The following NDUFAF5 variants were observed in gnomAD, a reference collection of about 807,000 sequenced individuals.
NDUFAF5 encodes the protein NADH:ubiquinone oxidoreductase complex assembly factor 5, also known as arginine-hydroxylase NDUFAF5, mitochondrial.
A neutral mutation model predicts 48.9 loss-of-function variants in NDUFAF5; 34 were observed. That is an observed-to-expected ratio of 0.70 (90% CI 0.53 to 0.93). NDUFAF5 has a LOEUF of 0.93. Ranked by LOEUF, NDUFAF5 falls within the 40% of genes least tolerant of loss-of-function variation. The pLI is 0.00. For missense variants in NDUFAF5, 428 were observed against 427.5 expected (o/e 1.00, Z -0.01); for synonymous variants, 153 against 150.6 (o/e 1.02, Z -0.12).
chr20:13,795,135 A>G (rs1021423954), intron 5 of NDUFAF5, among the ~76,000 whole-genome samples, 194 bp downstream of exon 5: 5 of 152,174 alleles, frequency 3.3e-5, no homozygotes, highest in African/African-American at 1.2e-4. Flanking sequence ...TTTACTAAAA[A>G]TACAAAAAAG....
rs1165425427 is a variant in NDUFAF5, at chr20:13,817,329, A to G, written c.*119A>G. ...TAAGCTATTTACTAATAGGCTTTTCATATAATTAGGAAAACCTAATATCAC... is the reference window on the plus strand; with the variant it reads ...TAAGCTATTTACTAATAGGCTTTTCGTATAATTAGGAAAACCTAATATCAC... On this transcript the variant is annotated 3_prime_UTR_variant, in exon 11 of 11. Transcript: ENST00000378106. The G allele has an allele frequency of 1.2e-6, 1 of 833,752 alleles. No individual in the cohort carries two copies. The highest frequency in any genetic ancestry group is 1.4e-5 in the South Asian group (1 of 73,296). The allele number at this position is 833,752 out of a possible 1,614,324, so 51.6% of individuals were successfully genotyped here. A position where few individuals can be genotyped will look rare whatever the true frequency, so the allele number is the denominator to read the frequency against.
chr20:13,805,889 T>C (rs1402733888), intron 7 of NDUFAF5, among the ~76,000 whole-genome samples: 1 of 152,068 alleles, frequency 6.6e-6, no homozygotes, highest in Non-Finnish European at 1.5e-5. Flanking sequence ...ATCTCACCAC[T>C]GCACTCCAGC....
At position 13,809,394 on chromosome 20, in the gene NDUFAF5, T is replaced by TA. The variant is rs529424271; in HGVS notation, c.778+501dup. ...AGGAAGTAGCAATTGAGCTGTGCTC[T>TA]AAAAAAAAATGGAGATGAATTAACT... On this transcript the variant is annotated intron_variant, in intron 8 of 10. Transcript: ENST00000378106. 1.7e-4 allele frequency among the ~76,000 whole-genome samples: 25 copies of TA among 151,100 alleles called. No homozygotes were observed. The South Asian group carries it at 2.5e-3, about 15-fold the overall frequency.
Position 13,787,350 on chromosome 20 carries a change from C to T in NDUFAF5, c.261C>T (p.Pro87=), listed in dbSNP as rs1318580781. 1.2e-6 allele frequency: 2 copies of T among 1,613,696 alleles called. No individual in the cohort carries two copies. The highest frequency in any genetic ancestry group is 1.7e-6 in the Non-Finnish European group (2 of 1,179,786). Reference sequence around the variant, plus strand: ...TCGCAGACCGTGTATATGACATACCCAGGTAAGTGGTGGTGATCATAATAC... The same window carrying T: ...TCGCAGACCGTGTATATGACATACCTAGGTAAGTGGTGGTGATCATAATAC... ...SRIADRVYDI[P]RNFPLALDLG... The change falls in exon 2 of 11, where the codon CCC becomes CCT. Residue 87 remains proline (P), a splice_region_variant and synonymous_variant. Transcript: ENST00000378106.
chr20:13,818,514 G>C lies in NDUFAF5; in HGVS notation c.*1304G>C, dbSNP rs999142545. On this transcript the variant is annotated 3_prime_UTR_variant, in exon 11 of 11. Coordinates refer to ENST00000378106, the MANE Select transcript of NDUFAF5 (RefSeq NM_024120.5). The stretch of plus-strand genomic sequence containing the variant: ...CAACAACAAAAAACAAACTGCGCTA[G>C]CCAGGTGCAATGGCGCATGCCTGTA... 6.0e-6 allele frequency: 2 copies of C among 334,794 alleles called. No individual in the cohort carries two copies. Among genetic ancestry groups the C allele is most frequent in the Non-Finnish European group, 1.1e-5 (2 of 174,582 alleles). The allele number at this position is 334,794 out of a possible 1,614,324, so 20.7% of individuals were successfully genotyped here.
chr20:13,819,979 C>T lies in NDUFAF5; in HGVS notation c.*2769C>T, dbSNP rs1986869601. ...ATAAAATTCATGAGCTTTATTGGTTCCTTTAACAGATCTTCATTGAGTTTC... is the reference window on the plus strand; with the variant it reads ...ATAAAATTCATGAGCTTTATTGGTTTCTTTAACAGATCTTCATTGAGTTTC... On this transcript the variant is annotated 3_prime_UTR_variant, in exon 11 of 11. Transcript: ENST00000378106. The T allele has an allele frequency of 6.6e-6, 1 of 151,608 alleles. No homozygotes were observed. Among genetic ancestry groups the T allele is most frequent in the African/African-American group, 2.4e-5 (1 of 40,926 alleles). The allele number at this position is 151,608 out of a possible 1,614,324, so 9.4% of individuals were successfully genotyped here.
intron 3 of NDUFAF5, among the ~76,000 whole-genome samples, chr20:13,791,746 T>A (rs138618688): frequency 1.8e-4 from 28 of 152,310 alleles, no homozygotes; most frequent in African/African-American, 6.5e-4. Context: ...ATAACAATGT[T>A]CCTCCTGTTC....
rs1986756903 is a variant in NDUFAF5, at chr20:13,818,491, A to G, written c.*1281A>G. On this transcript the variant is annotated 3_prime_UTR_variant, in exon 11 of 11. Transcript: ENST00000378106. ...TTTCAGAACTTGAAGAGAGAGAACA[A>G]CAACAAAAAACAAACTGCGCTAGCC... 1 of 341,300 alleles carries G rather than the reference A, an allele frequency of 2.9e-6. No individual in the cohort carries two copies. Among genetic ancestry groups the G allele is most frequent in the African/African-American group, 2.2e-5 (1 of 46,034 alleles). 21.1% of individuals were successfully genotyped at this position (341,300 alleles called of 1,614,324 possible).
chr20:13,817,270 C>A lies in NDUFAF5; in HGVS notation c.*60C>A. 1 of 1,241,332 alleles carries A rather than the reference C, an allele frequency of 8.1e-7. No homozygotes were observed. Among genetic ancestry groups the A allele is most frequent in the Non-Finnish European group, 1.2e-6 (1 of 840,196 alleles). The allele number at this position is 1,241,332 out of a possible 1,614,324, so 76.9% of individuals were successfully genotyped here. A position where few individuals can be genotyped will look rare whatever the true frequency, so the allele number is the denominator to read the frequency against. ...CATCAGAAATGGATAGCTTTAACAT[C>A]TAAAATTATTATATTTTGAAGCAAG... On this transcript the variant is annotated 3_prime_UTR_variant, in exon 11 of 11. Coordinates refer to ENST00000378106, the MANE Select transcript of NDUFAF5 (RefSeq NM_024120.5).
In NDUFAF5 at chr20:13,815,238, C is replaced by G. The variant is rs1986326751; in HGVS notation, c.779-1225C>G. The stretch of plus-strand genomic sequence containing the variant: ...CAACAGACTCTTCCAATGTGAGACC[C>G]AGTTTACCTCTGGTCACTTGATATG... On this transcript the variant is annotated intron_variant, in intron 8 of 10. Transcript: ENST00000378106. 2.0e-5 allele frequency among the ~76,000 whole-genome samples: 3 copies of G among 152,164 alleles called. No individual in the cohort carries two copies. The South Asian group carries it at 6.2e-4, about 32-fold the overall frequency.
At chr20:13,807,218 T>C (rs1409856822) in intron 7 of NDUFAF5, among the ~76,000 whole-genome samples, 1 of 152,106 alleles carries the variant, frequency 6.6e-6, no homozygotes, top group African/African-American at 2.4e-5. Flanking sequence ...GGCTAATTTT[T>C]TGTATTTTTA....
At chr20:13,795,810 C>A (rs992975292) in intron 5 of NDUFAF5, among the ~76,000 whole-genome samples, 1 of 152,122 alleles carries the variant, frequency 6.6e-6, no homozygotes, top group African/African-American at 2.4e-5. Context: ...CAAAGCAAGA[C>A]CCTGTCTCAA....
intron 3 of NDUFAF5, among the ~76,000 whole-genome samples, chr20:13,790,709 T>C (rs891769395): frequency 4.6e-5 from 7 of 152,226 alleles, no homozygotes; most frequent in Non-Finnish European, 1.0e-4. Context: ...TCTGATCCCA[T>C]CTTCTTCCTT....
intron 1 of NDUFAF5, among the ~76,000 whole-genome samples, chr20:13,786,099 T>A (rs1981056347): frequency 6.6e-6 from 1 of 152,200 alleles, no homozygotes; most frequent in Non-Finnish European, 1.5e-5. Context: ...AGCCAGAGAC[T>A]GAGGGTTTCT....
intron 1 of NDUFAF5, 54 bp from the exon 2 acceptor site, chr20:13,787,258 A>G: frequency 6.4e-7 from 1 of 1,573,866 alleles, no homozygotes; most frequent in Non-Finnish European, 8.7e-7. Context: ...ATTGTTGAAT[A>G]CTGGAAAAAG....
In NDUFAF5 at chr20:13,817,700, G is replaced by A. The variant is rs945884979; in HGVS notation, c.*490G>A. 1.3e-5 allele frequency: 6 copies of A among 453,614 alleles called. No homozygotes were observed. Among genetic ancestry groups the A allele is most frequent in the Non-Finnish European group, 2.6e-5 (6 of 226,748 alleles). 28.1% of individuals were successfully genotyped at this position (453,614 alleles called of 1,614,324 possible). On this transcript the variant is annotated 3_prime_UTR_variant, in exon 11 of 11. Coordinates refer to ENST00000378106, the MANE Select transcript of NDUFAF5 (RefSeq NM_024120.5). Reference sequence around the variant, plus strand: ...AACCTTATTTCTTTTTTATCTCCATGGTGTGGGTGGGACCACCATGGTTTT... The same window carrying A: ...AACCTTATTTCTTTTTTATCTCCATAGTGTGGGTGGGACCACCATGGTTTT...
intron 5 of NDUFAF5, among the ~76,000 whole-genome samples, chr20:13,795,791 C>T (rs778320649): frequency 1.3e-5 from 2 of 152,252 alleles, no homozygotes; most frequent in South Asian, 2.1e-4. Flanking sequence ...TGCACTCTAG[C>T]GTGGGTGACA....
At position 13,818,927 on chromosome 20, in the gene NDUFAF5, C is replaced by G. The variant is rs1405520093; in HGVS notation, c.*1717C>G. ...TCCTGTAAAATTTGAATTTTCCAAG[C>G]AAGAATATTACTTTTGCTTATTTAA... is the stretch of plus-strand genomic sequence containing the variant. On this transcript the variant is annotated 3_prime_UTR_variant, in exon 11 of 11. Transcript: ENST00000378106. 1.3e-5 allele frequency: 2 copies of G among 152,068 alleles called. No individual in the cohort carries two copies. Among genetic ancestry groups the G allele is most frequent in the Non-Finnish European group, 2.9e-5 (2 of 68,038 alleles). The allele number at this position is 152,068 out of a possible 1,614,324, so 9.4% of individuals were successfully genotyped here. A position where few individuals can be genotyped will look rare whatever the true frequency, so the allele number is the denominator to read the frequency against.
At position 13,798,487 on chromosome 20, in the gene NDUFAF5, G is replaced by A; in HGVS notation, c.506G>A (p.Arg169Lys). ...LSLHWVNDLP[R>K]ALEQIHYILK... Reference sequence around the variant, plus strand: ...TTGCATTGGGTGAATGACCTTCCTAGAGCACTTGAGCAGGTAAGAAAACTT... The same window carrying A: ...TTGCATTGGGTGAATGACCTTCCTAAAGCACTTGAGCAGGTAAGAAAACTT... The change falls in exon 6 of 11, where the codon AGA becomes AAA. Residue 169 changes from arginine to lysine, a missense_variant. Transcript: ENST00000378106. The A allele has an allele frequency of 6.2e-7, 1 of 1,610,858 alleles. No homozygotes were observed.
Sources: gnomAD v4.1 joint callset for allele counts (sites outside exome capture counted in the v4.1 genomes callset) on GRCh38, gnomAD v4.1.1 for gene constraint, MANE v1.5 for transcripts, NCBI Gene and HGNC (gene_info 2026-07-23, HGNC 2026-07-21) for gene names.